Variants in OSBPL6 observed in about 807,000 individuals in gnomAD.
OSBPL6 encodes the protein oxysterol-binding protein-related protein 6.
OSBPL6 carries 49 observed loss-of-function variants against 125.8 expected under a neutral mutation model. That is an observed-to-expected ratio of 0.39 (90% CI 0.31 to 0.49). OSBPL6 has a LOEUF of 0.49. Ranked by LOEUF, OSBPL6 falls within the 20% of genes least tolerant of loss-of-function variation. The pLI, the probability that OSBPL6 is intolerant of heterozygous loss-of-function variation, is 0.88. For missense variants in OSBPL6, 986 were observed against 1,135.4 expected, an observed-to-expected ratio of 0.87 and a Z score of 1.89; for synonymous variants, 394 against 391.8, an observed-to-expected ratio of 1.01 and a Z score of -0.07.
At chr2:178,370,639 T>C (rs1360365829) in intron 13 of OSBPL6, among the ~76,000 whole-genome samples, 1 of 152,222 alleles carries the variant, frequency 6.6e-6, no homozygotes, top group East Asian at 1.9e-4. Flanking sequence ...AAGAATGTTA[T>C]CACCTTTTTT....
intron 5 of OSBPL6, among the ~76,000 whole-genome samples, chr2:178,329,885 G>A (rs1383414217): frequency 6.6e-6 from 1 of 152,210 alleles, no homozygotes; most frequent in Non-Finnish European, 1.5e-5. Flanking sequence ...GGGAGGTTAT[G>A]TATGTTAACT....
At chr2:178,215,108 AAAAAG>A (rs2090038779) in intron 1 of OSBPL6, among the ~76,000 whole-genome samples, 3 of 152,028 alleles carry the variant, frequency 2.0e-5, no homozygotes, top group African/African-American at 7.2e-5. Flanking sequence ...TAAAAAAAAA[AAAAAG>A]AAAAAACAGA....
intron 3 of OSBPL6, among the ~76,000 whole-genome samples, chr2:178,309,236 T>C (rs1687045224): frequency 6.6e-6 from 1 of 152,122 alleles, no homozygotes; most frequent in South Asian, 2.1e-4. Context: ...TTTTTGACAA[T>C]ATTTGACGGT....
chr2:178,375,046 G>A (rs977359120), intron 15 of OSBPL6, among the ~76,000 whole-genome samples: 2 of 152,196 alleles, frequency 1.3e-5, no homozygotes, highest in Non-Finnish European at 2.9e-5. Flanking sequence ...AGGCTGGAAT[G>A]CTAATTTAAT....
At chr2:178,373,226 G>A (rs1214190597) in intron 14 of OSBPL6, among the ~76,000 whole-genome samples, 1 of 152,098 alleles carries the variant, frequency 6.6e-6, no homozygotes, top group Admixed American at 6.6e-5. Context: ...CCAGAATCTA[G>A]AAGTATTTCT....
intron 12 of OSBPL6, 106 bp downstream of exon 12, chr2:178,349,495 T>G: frequency 7.4e-7 from 1 of 1,350,658 alleles, no homozygotes; most frequent in Non-Finnish European, 1.0e-6. Flanking sequence ...AAAGATTAAA[T>G]GGTTGGATAT....
intron 3 of OSBPL6, among the ~76,000 whole-genome samples, chr2:178,321,922 AG>A (rs1688279515): frequency 6.6e-6 from 1 of 152,182 alleles, no homozygotes. Context: ...CATCAAATGG[AG>A]AAGAGACTAA....
intron 12 of OSBPL6, among the ~76,000 whole-genome samples, chr2:178,353,323 C>T (rs1443488951): frequency 6.6e-6 from 1 of 152,122 alleles, no homozygotes; most frequent in Non-Finnish European, 1.5e-5. Context: ...TGTTCTAACC[C>T]ATCACAAGGA....
At chr2:178,209,943 C>CTA (rs1479586848) in intron 1 of OSBPL6, among the ~76,000 whole-genome samples, 1 of 151,410 alleles carries the variant, frequency 6.6e-6, no homozygotes, top group African/African-American at 2.4e-5. Flanking sequence ...TCTTTCCATA[C>CTA]TATAGCCATA....
chr2:178,378,475 T>C (rs1694093870), intron 15 of OSBPL6, among the ~76,000 whole-genome samples: 1 of 152,244 alleles, frequency 6.6e-6, no homozygotes, highest in African/African-American at 2.4e-5. Context: ...ACTGAATGAA[T>C]CCTCTGCTCT....
chr2:178,228,708 T>C (rs747310733), intron 1 of OSBPL6, among the ~76,000 whole-genome samples: 20 of 152,236 alleles, frequency 1.3e-4, no homozygotes, highest in Non-Finnish European at 2.8e-4. Context: ...TGAAATAGTC[T>C]ACCTTCTTTT....
At chr2:178,278,534 A>T (rs1422371650) in intron 1 of OSBPL6, among the ~76,000 whole-genome samples, 1 of 152,246 alleles carries the variant, frequency 6.6e-6, no homozygotes, top group Non-Finnish European at 1.5e-5. Flanking sequence ...GATATGTAGT[A>T]ACATTAATGA....
chr2:178,335,279 A>T (rs758617739), intron 8 of OSBPL6, among the ~76,000 whole-genome samples: 3 of 152,104 alleles, frequency 2.0e-5, no homozygotes, highest in Non-Finnish European at 2.9e-5. Flanking sequence ...ATATCTGAGA[A>T]TGGAAGACTA....
intron 1 of OSBPL6, among the ~76,000 whole-genome samples, chr2:178,225,959 A>G (rs897257654): frequency 3.9e-5 from 6 of 152,206 alleles, no homozygotes; most frequent in African/African-American, 9.6e-5. Context: ...CCTGAAGAAT[A>G]TTTAATGACA....
intron 15 of OSBPL6, among the ~76,000 whole-genome samples, chr2:178,374,701 G>A (rs1004905091): frequency 2.0e-5 from 3 of 152,144 alleles, no homozygotes; most frequent in Non-Finnish European, 4.4e-5. Flanking sequence ...TAGGAATTTT[G>A]TCATTTGGGA....
chr2:178,288,079 C>T (rs548987897), intron 2 of OSBPL6, among the ~76,000 whole-genome samples: 137 of 152,114 alleles, frequency 9.0e-4, no homozygotes, highest in Non-Finnish European at 1.2e-3. Flanking sequence ...CCATTGACTC[C>T]CTTTTATCAT....
chr2:178,366,490 CAT>C (rs887973275), intron 13 of OSBPL6, among the ~76,000 whole-genome samples: 2 of 152,100 alleles, frequency 1.3e-5, no homozygotes, highest in Non-Finnish European at 2.9e-5. Context: ...TCAATTATTA[CAT>C]GCATCATCAT....
chr2:178,274,326 C>A (rs1204741201), intron 1 of OSBPL6, among the ~76,000 whole-genome samples: 1 of 146,130 alleles, frequency 6.8e-6, no homozygotes, highest in Non-Finnish European at 1.5e-5. Flanking sequence ...TTTTTTTGCT[C>A]TGTGATTATC....
chr2:178,250,705 T>G (rs2091662886), intron 1 of OSBPL6, among the ~76,000 whole-genome samples: 1 of 152,156 alleles, frequency 6.6e-6, no homozygotes. Flanking sequence ...TGGTCTCATT[T>G]TAAATGTCAC....
Sources: gnomAD v4.1 joint callset for allele counts (sites outside exome capture counted in the v4.1 genomes callset) on GRCh38, gnomAD v4.1.1 for gene constraint, MANE v1.5 for transcripts, NCBI Gene and HGNC (gene_info 2026-07-23, HGNC 2026-07-21) for gene names.